Variants in KAT14 observed in about 807,000 individuals in gnomAD.
The protein encoded by KAT14 is lysine acetyltransferase 14, also known as cysteine-rich protein 2-binding protein.
KAT14 carries 66 observed loss-of-function variants against 78.4 expected under a neutral mutation model. The ratio of observed to expected loss-of-function variants is 0.84; its 90% CI spans 0.69 to 1.03. The LOEUF (loss-of-function observed/expected upper bound fraction) is 1.03. Among genes scored for constraint, KAT14 ranks in the 50% least tolerant of loss-of-function variants. The pLI, the probability that KAT14 is intolerant of heterozygous loss-of-function variation, is 0.00. For missense variants in KAT14, 870 were observed against 972.5 expected (o/e 0.89, Z 1.40); for synonymous variants, 344 against 359.4 (o/e 0.96, Z 0.48).
rs2038147530 is a variant in KAT14 at position 18,154,323 on chromosome 20, A to G, written c.500+3381A>G. ...ACTTTATTTATTTACTTACTTACTT[A>G]TTTTTTTGAGACGGAGTCCTGCTCT... On this transcript the variant is annotated intron_variant, in intron 4 of 10. Transcript: ENST00000688188. 2.0e-5 allele frequency among the ~76,000 whole-genome samples: 3 copies of G among 152,058 alleles called. No individual in the cohort carries two copies. The South Asian group carries it at 6.2e-4, about 31-fold the overall frequency.
intron 7 of KAT14, among the ~76,000 whole-genome samples, chr20:18,175,027 T>G (rs2038985794): frequency 6.6e-6 from 1 of 151,880 alleles, no homozygotes; most frequent in Non-Finnish European, 1.5e-5. Flanking sequence ...TCATACCCCC[T>G]TAGTGTTTTC....
intron 1 of KAT14, among the ~76,000 whole-genome samples, chr20:18,139,903 T>A (rs2037464229): frequency 6.6e-6 from 1 of 152,142 alleles, no homozygotes; most frequent in Non-Finnish European, 1.5e-5. Flanking sequence ...TAGCAAAAAT[T>A]AAGCAGTGCT....
intron 7 of KAT14, among the ~76,000 whole-genome samples, chr20:18,176,693 G>A (rs942375841): frequency 6.6e-6 from 1 of 152,218 alleles, no homozygotes; most frequent in South Asian, 2.1e-4. Context: ...GAGGGAACGG[G>A]TTGGTGGCTA....
rs540080178 is a variant in KAT14, at chr20:18,164,024, GAGCCGT to G, written c.1668+1082_1668+1087del. ...CTTCAACTCTGCTGTTGTGATTGGA[GAGCCGT>G]AGTGAATGAGTGTGGCTGTGTTCCA... On this transcript the variant is annotated intron_variant, in intron 7 of 10. Coordinates refer to ENST00000688188, the MANE Select transcript of KAT14 (RefSeq NM_001392073.1). Among the ~76,000 whole-genome samples, 263 of 152,310 alleles carry G rather than the reference GAGCCGT, an allele frequency of 1.7e-3. 1 individual carries two copies. Among genetic ancestry groups the G allele is most frequent in the Middle Eastern group, 6.8e-3 (2 of 294 alleles).
At chr20:18,163,765 G>A (rs2038534144) in intron 7 of KAT14, among the ~76,000 whole-genome samples, 1 of 152,066 alleles carries the variant, frequency 6.6e-6, no homozygotes. Flanking sequence ...CTTTCCTTGT[G>A]CTGGACATGT....
chr20:18,139,319 T>A (rs1450696468), intron 1 of KAT14, among the ~76,000 whole-genome samples: 1 of 152,120 alleles, frequency 6.6e-6, no homozygotes. Flanking sequence ...TGGGAAAACT[T>A]GAGATGGAGT....
chr20:18,184,150 C>T (rs1012360100), intron 9 of KAT14, among the ~76,000 whole-genome samples: 1 of 152,180 alleles, frequency 6.6e-6, no homozygotes, highest in Non-Finnish European at 1.5e-5. Context: ...AGCATTTGTA[C>T]AAAAGAACTT....
intron 2 of KAT14, 131 bp from the exon 3 acceptor site, chr20:18,145,102 T>A: frequency 7.0e-6 from 10 of 1,422,506 alleles, no homozygotes; most frequent in Non-Finnish European, 8.3e-6. Flanking sequence ...TTTCCCCATT[T>A]TGCAATTGTG....
chr20:18,187,235 T>C, intron 10 of KAT14, 51 bp from the exon 11 acceptor site: 1 of 1,540,786 alleles, frequency 6.5e-7, no homozygotes, highest in Middle Eastern at 1.8e-4. Context: ...CCTACTCATT[T>C]TCCCTCAGGC....
rs762890490 is a variant in KAT14 at position 18,181,364 on chromosome 20, CT to C, written c.1669-324del. ...ACCAATCCTCAGAGTAATTTTGTTT[CT>C]TTTTTTTTTTTTTTTTTTTTTGAGA... On this transcript the variant is annotated intron_variant, in intron 7 of 10. Transcript: ENST00000688188. Among the ~76,000 whole-genome samples the C allele has an allele frequency of 1.6e-3, 166 of 106,792 alleles. 1 individual carries two copies. The South Asian group carries it at 0.026, about 17-fold the overall frequency. The allele number at this position is 106,792 out of a possible 152,430, so 70.1% of individuals were successfully genotyped here.
chr20:18,184,458 G>T, intron 9 of KAT14, 144 bp from the exon 10 acceptor site: 1 of 719,422 alleles, frequency 1.4e-6, no homozygotes, highest in Non-Finnish European at 2.2e-6. Context: ...CTGGTTGTGT[G>T]GTCTCTATGT....
intron 7 of KAT14, among the ~76,000 whole-genome samples, chr20:18,171,564 C>A (rs1156373729): frequency 6.6e-6 from 1 of 152,224 alleles, no homozygotes; most frequent in African/African-American, 2.4e-5. Context: ...GTAATCCCAG[C>A]ACTTTGGGAG....
intron 3 of KAT14, 132 bp downstream of exon 3, chr20:18,145,483 G>A: frequency 7.5e-7 from 1 of 1,333,208 alleles, no homozygotes. Flanking sequence ...AATGAAATTA[G>A]ATACCGAATA....
rs767961876 is a variant in KAT14, at chr20:18,162,660, C to T, written c.1383C>T (p.Pro461=). 7.4e-6 allele frequency: 12 copies of T among 1,614,212 alleles called. No homozygotes were observed. The highest frequency in any genetic ancestry group is 2.2e-5 in the South Asian group (2 of 91,090). ...AGCCGAAAGAGCCCAGGTATACTCC[C>T]GTGAGCATCTACGAGGAAAAGCTGC... is the stretch of plus-strand genomic sequence containing the variant. ...DTKPKEPRYT[P]VSIYEEKLLL... is the part of the protein sequence containing the mutation. The change falls in exon 7 of 11, where the codon CCC becomes CCT. Residue 461 remains proline (P), a synonymous_variant. Transcript: ENST00000688188.
At chr20:18,179,776 T>G (rs1198756373) in intron 7 of KAT14, among the ~76,000 whole-genome samples, 2 of 152,216 alleles carry the variant, frequency 1.3e-5, no homozygotes, top group African/African-American at 4.8e-5. Flanking sequence ...GGTTTTTCTT[T>G]TCTACTGCAT....
Position 18,148,614 on chromosome 20 carries a change from T to G in KAT14, c.379-2207T>G, listed in dbSNP as rs1361281549. Among the ~76,000 whole-genome samples, 11 of 129,326 alleles carry G rather than the reference T, an allele frequency of 8.5e-5. No individual in the cohort carries two copies. In the East Asian group the frequency reaches 1.8e-3, roughly 21 times the overall value. The allele number at this position is 129,326 out of a possible 152,430, so 84.8% of individuals were successfully genotyped here. ...CTAAACTGGGGTTCATTTTTTTTTG[T>G]TTTTTTTTTTTTGAGATGGAGTTTC... On this transcript the variant is annotated intron_variant, in intron 3 of 10. Coordinates refer to ENST00000688188, the MANE Select transcript of KAT14 (RefSeq NM_001392073.1).
Position 18,187,610 on chromosome 20 carries a change from A to C in KAT14, c.*151A>C. 1 of 1,331,774 alleles carries C rather than the reference A, an allele frequency of 7.5e-7. No individual in the cohort carries two copies. The highest frequency in any genetic ancestry group is 1.0e-6 in the Non-Finnish European group (1 of 994,982). The allele number at this position is 1,331,774 out of a possible 1,614,324, so 82.5% of individuals were successfully genotyped here. On this transcript the variant is annotated 3_prime_UTR_variant, in exon 11 of 11. Coordinates refer to ENST00000688188, the MANE Select transcript of KAT14 (RefSeq NM_001392073.1). ...AACCAAAGTGAGAAAAGCGGCATGCAGTGAAATGAGCAGTGAGCAGCCCTT... is the reference window on the plus strand; with the variant it reads ...AACCAAAGTGAGAAAAGCGGCATGCCGTGAAATGAGCAGTGAGCAGCCCTT...
At chr20:18,183,544 T>G in intron 9 of KAT14, 1 of 984,960 alleles carries the variant, frequency 1.0e-6, no homozygotes, top group Non-Finnish European at 1.2e-6. Flanking sequence ...GAGTAAAAGA[T>G]TCATCCTGTT....
intron 4 of KAT14, among the ~76,000 whole-genome samples, chr20:18,155,132 G>A (rs774463659): frequency 3.4e-4 from 52 of 152,058 alleles, no homozygotes; most frequent in Non-Finnish European, 5.1e-4. Flanking sequence ...TGATCCACCC[G>A]CCTGGCCTCC....
Sources: allele counts gnomAD v4.1 joint callset (sites outside exome capture counted in the v4.1 genomes callset), GRCh38; gene constraint gnomAD v4.1.1; transcripts MANE v1.5; gene names NCBI Gene and HGNC (gene_info 2026-07-23, HGNC 2026-07-21).